The following PIP5K1B variants were observed in gnomAD, a reference collection of about 807,000 sequenced individuals.
PIP5K1B encodes phosphatidylinositol-4-phosphate 5-kinase type 1 beta, also known as phosphatidylinositol 4-phosphate 5-kinase type-1 beta.
A neutral mutation model predicts 67.0 loss-of-function variants in PIP5K1B; 42 were observed. The ratio of observed to expected loss-of-function variants is 0.63; its 90% CI spans 0.49 to 0.81. PIP5K1B has a LOEUF of 0.81. Ranked by LOEUF, PIP5K1B falls within the 30% of genes least tolerant of loss-of-function variation. The pLI is 0.00. For synonymous variants in PIP5K1B, 214 were observed against 231.4 expected, an observed-to-expected ratio of 0.92 and a Z score of 0.68; for missense variants, 459 against 646.3, an observed-to-expected ratio of 0.71 and a Z score of 3.14.
In PIP5K1B at chr9:68,713,945, G is replaced by A. The variant is rs1225696814; in HGVS notation, c.-243+8183G>A. Among the ~76,000 whole-genome samples the A allele has an allele frequency of 3.9e-5, 6 of 152,214 alleles. No individual in the cohort carries two copies. The South Asian group carries it at 1.2e-3, about 31-fold the overall frequency. ...AGGAAAGGGAAACCTAGTCAGGTTA[G>A]TAGTAACTTGTACCAGAGCACAGAA... On this transcript the variant is annotated intron_variant, in intron 1 of 15. Transcript: ENST00000265382.
chr9:68,809,550 C>T (rs1175604774), intron 2 of PIP5K1B, among the ~76,000 whole-genome samples: 4 of 152,112 alleles, frequency 2.6e-5, no homozygotes, highest in Non-Finnish European at 4.4e-5. Context: ...TGTTGGTAAC[C>T]CTTTAGGTAA....
Position 68,941,503 on chromosome 9 carries a change from G to A in PIP5K1B, c.1502+713G>A, listed in dbSNP as rs557641997. 3.3e-5 allele frequency among the ~76,000 whole-genome samples: 5 copies of A among 152,224 alleles called. No homozygotes were observed. The South Asian group carries it at 1.0e-3, about 32-fold the overall frequency. ...TCTCATGTAACCTATAAGATTTTTGGAAATTGTATGCTCTCTAGCAACTTT... is the reference window on the plus strand; with the variant it reads ...TCTCATGTAACCTATAAGATTTTTGAAAATTGTATGCTCTCTAGCAACTTT... On this transcript the variant is annotated intron_variant, in intron 14 of 15. Transcript: ENST00000265382.
chr9:68,727,439 T>A (rs907789485), intron 1 of PIP5K1B, among the ~76,000 whole-genome samples: 4 of 152,110 alleles, frequency 2.6e-5, no homozygotes, highest in African/African-American at 9.7e-5. Context: ...CAATATGAAG[T>A]AATTATAATA....
rs1483668035 is a variant in PIP5K1B, at chr9:68,969,261, G to A, written c.1503-21879G>A. Among the ~76,000 whole-genome samples the A allele has an allele frequency of 5.3e-5, 8 of 151,664 alleles. No homozygotes were observed. In the South Asian group the frequency reaches 8.4e-4, roughly 16 times the overall value. On this transcript the variant is annotated intron_variant, in intron 14 of 15. Transcript: ENST00000265382. ...CGGGCACCTGTAGTCCCGGCTACTC[G>A]GGAGGCTGAGGCAGGAGAATGGCGT...
rs1160573143 is a variant in PIP5K1B, at chr9:68,857,994, G to A, written c.70-5843G>A. 9.5e-5 allele frequency among the ~76,000 whole-genome samples: 7 copies of A among 73,808 alleles called. No individual in the cohort carries two copies. In the East Asian group the frequency reaches 2.2e-3, roughly 23 times the overall value. 48.4% of individuals were successfully genotyped at this position (73,808 alleles called of 152,430 possible). On this transcript the variant is annotated intron_variant, in intron 4 of 15. Transcript: ENST00000265382. The stretch of plus-strand genomic sequence containing the variant: ...TTGTTGTTGTTGTTGTTGTTGTTAA[G>A]ACTGAGTCTTGCTCTTTTGCCCAGG...
chr9:68,923,501 T>C, intron 12 of PIP5K1B, 115 bp downstream of exon 12: 1 of 590,856 alleles, frequency 1.7e-6, no homozygotes, highest in Non-Finnish European at 2.9e-6. Flanking sequence ...AGTAATCACT[T>C]AGTAATTATG....
chr9:68,707,145 G>A (rs1287540196), intron 1 of PIP5K1B, among the ~76,000 whole-genome samples: 7 of 152,146 alleles, frequency 4.6e-5, no homozygotes, highest in Non-Finnish European at 8.8e-5. Context: ...GGTCCTGTGG[G>A]CAGAGACTTA....
intron 13 of PIP5K1B, among the ~76,000 whole-genome samples, chr9:68,938,930 GCTCGTACAATTAGGTGAGGCT>G (rs1358015760): frequency 6.6e-6 from 1 of 152,158 alleles, no homozygotes; most frequent in Non-Finnish European, 1.5e-5. Context: ...GATTTAAAGG[GCTCGTACAATTAGGTGAGGCT>G]CCCCTGAATA....
chr9:68,780,339 A>G (rs1015738034), intron 2 of PIP5K1B: 2 of 1,608,576 alleles, frequency 1.2e-6, no homozygotes, highest in Non-Finnish European at 1.7e-6. Flanking sequence ...GCCGAGCGCC[A>G]GGCGGAACAG....
At chr9:68,846,926 C>T (rs1282452412) in intron 4 of PIP5K1B, among the ~76,000 whole-genome samples, 1 of 152,110 alleles carries the variant, frequency 6.6e-6, no homozygotes, top group Non-Finnish European at 1.5e-5. Context: ...TTATTATAGT[C>T]CTCATTATGT....
chr9:68,994,537 T>G (rs1830524032), intron 15 of PIP5K1B, among the ~76,000 whole-genome samples: 2 of 152,224 alleles, frequency 1.3e-5, no homozygotes. Context: ...TGTATCTGTC[T>G]TCTTGATATA....
chr9:68,850,482 C>T (rs1332193549), intron 4 of PIP5K1B, among the ~76,000 whole-genome samples: 3 of 152,198 alleles, frequency 2.0e-5, no homozygotes, highest in African/African-American at 7.2e-5. Flanking sequence ...CCAGGTGTGA[C>T]AACCCAAATT....
intron 4 of PIP5K1B, among the ~76,000 whole-genome samples, chr9:68,853,252 T>G (rs1822586821): frequency 6.6e-6 from 1 of 152,184 alleles, no homozygotes; most frequent in African/African-American, 2.4e-5. Flanking sequence ...ATAATCATAT[T>G]CCAAGTTCAG....
chr9:68,981,873 G>A (rs1186367325), intron 14 of PIP5K1B, among the ~76,000 whole-genome samples: 3 of 151,968 alleles, frequency 2.0e-5, no homozygotes, highest in Non-Finnish European at 2.9e-5. Flanking sequence ...TAGAGAGACA[G>A]CCAGGAAGAA....
At chr9:68,852,308 G>A (rs1051744816) in intron 4 of PIP5K1B, among the ~76,000 whole-genome samples, 2 of 152,078 alleles carry the variant, frequency 1.3e-5, no homozygotes, top group African/African-American at 2.4e-5. Context: ...GTAGTTCAGT[G>A]TCTTGAGGCA....
At chr9:68,863,443 A>G (rs11144035) in intron 4 of PIP5K1B, among the ~76,000 whole-genome samples, 65,928 of 152,048 alleles carry the variant, frequency 0.43, 14,538 homozygotes, top group South Asian at 0.51. Flanking sequence ...ACACACACGT[A>G]TACAGTAGTT....
At chr9:68,936,540 T>A (rs1827276237) in intron 13 of PIP5K1B, among the ~76,000 whole-genome samples, 1 of 152,200 alleles carries the variant, frequency 6.6e-6, no homozygotes, top group Non-Finnish European at 1.5e-5. Context: ...GAAAATGTCT[T>A]CTACTTTCTA....
At chr9:68,906,817 A>C (rs1208442554) in intron 8 of PIP5K1B, among the ~76,000 whole-genome samples, 2 of 152,338 alleles carry the variant, frequency 1.3e-5, no homozygotes, top group East Asian at 3.9e-4. Context: ...GCATTTTCAT[A>C]AGCACTTGGT....
Position 68,793,781 on chromosome 9 carries a change from G to T in PIP5K1B, c.-85-24680G>T, listed in dbSNP as rs1587461546. ...AGTTAGATACCTGAGTCAAGTTCAG[G>T]AAAGAGGGCTGGACTGAAATACACA... is the stretch of plus-strand genomic sequence containing the variant. On this transcript the variant is annotated intron_variant, in intron 2 of 15. Transcript: ENST00000265382. Among the ~76,000 whole-genome samples the T allele has an allele frequency of 4.6e-5, 7 of 152,304 alleles. 2 individuals carry two copies. Among genetic ancestry groups the T allele is most frequent in the Admixed American group, 4.6e-4 (7 of 15,296 alleles).
Sources: gnomAD v4.1 joint callset for allele counts (sites outside exome capture counted in the v4.1 genomes callset) on GRCh38, gnomAD v4.1.1 for gene constraint, MANE v1.5 for transcripts, NCBI Gene and HGNC (gene_info 2026-07-23, HGNC 2026-07-21) for gene names.